Variants in GULP1 observed in about 807,000 individuals in gnomAD.
GULP1 encodes PTB domain-containing engulfment adapter protein 1.
Under a neutral mutation model 40.9 loss-of-function variants are expected in GULP1, and 19 were observed. The ratio of observed to expected loss-of-function variants is 0.46; its 90% CI spans 0.32 to 0.68. The LOEUF (loss-of-function observed/expected upper bound fraction) is 0.68, where lower values mean the gene tolerates loss of function less well. Among genes scored for constraint, GULP1 ranks in the 30% least tolerant of loss-of-function variants. The pLI, the probability that GULP1 is intolerant of heterozygous loss-of-function variation, is 0.03. For missense variants in GULP1, 312 were observed against 362.2 expected (o/e 0.86, Z 1.12); for synonymous variants, 119 against 117.6 (o/e 1.01, Z -0.08).
At chr2:188,574,754 G>A (rs1373987615) in intron 9 of GULP1, among the ~76,000 whole-genome samples, 4 of 152,094 alleles carry the variant, frequency 2.6e-5, no homozygotes, top group Admixed American at 2.0e-4. Context: ...TTGAATTTCC[G>A]TAATACAAGA....
intron 9 of GULP1, among the ~76,000 whole-genome samples, chr2:188,580,502 G>A (rs995907024): frequency 3.4e-5 from 5 of 148,104 alleles, no homozygotes; most frequent in South Asian, 2.1e-4. Context: ...GCAGTGAGCC[G>A]AGATCCCGCC....
intron 4 of GULP1, among the ~76,000 whole-genome samples, chr2:188,516,060 G>A (rs2065139511): frequency 2.0e-5 from 3 of 152,162 alleles, no homozygotes; most frequent in South Asian, 4.1e-4. Flanking sequence ...TTCTATTCTG[G>A]ATAAAGTGTT....
At chr2:188,456,178 C>T (rs983341985) in intron 2 of GULP1, among the ~76,000 whole-genome samples, 26 of 152,264 alleles carry the variant, frequency 1.7e-4, no homozygotes, top group African/African-American at 6.0e-4. Context: ...ATCCCATTTT[C>T]TGAGGAGAAA....
chr2:188,503,201 G>T (rs938106148), intron 4 of GULP1, among the ~76,000 whole-genome samples: 1 of 151,692 alleles, frequency 6.6e-6, no homozygotes, highest in African/African-American at 2.4e-5. Context: ...ACATTATGAG[G>T]TTTTTCGGCA....
At chr2:188,418,031 C>T (rs2054823775) in intron 2 of GULP1, among the ~76,000 whole-genome samples, 1 of 151,734 alleles carries the variant, frequency 6.6e-6, no homozygotes, top group Non-Finnish European at 1.5e-5. Context: ...CTGGCCACGT[C>T]TCAAACTCCA....
intron 10 of GULP1, among the ~76,000 whole-genome samples, chr2:188,587,117 T>A (rs1702551618): frequency 6.6e-6 from 1 of 152,038 alleles, no homozygotes; most frequent in Non-Finnish European, 1.5e-5. Flanking sequence ...TTTTTTATTT[T>A]AAAAATCCCA....
chr2:188,512,109 C>T (rs2064634683), intron 4 of GULP1, among the ~76,000 whole-genome samples: 1 of 152,108 alleles, frequency 6.6e-6, no homozygotes, highest in African/African-American at 2.4e-5. Context: ...AATTAGCTTA[C>T]TCCTATATAG....
chr2:188,576,123 A>G (rs1700129638), intron 9 of GULP1, among the ~76,000 whole-genome samples: 1 of 152,126 alleles, frequency 6.6e-6, no homozygotes, highest in Non-Finnish European at 1.5e-5. Context: ...GTAAAGAATC[A>G]ATATTTCACT....
At chr2:188,337,065 G>T (rs1276862223) in intron 1 of GULP1, among the ~76,000 whole-genome samples, 1 of 151,670 alleles carries the variant, frequency 6.6e-6, no homozygotes, top group African/African-American at 2.4e-5. Flanking sequence ...CCAGAAACTT[G>T]CTTCTCCTAT....
chr2:188,385,496 A>T (rs991600459), intron 2 of GULP1, among the ~76,000 whole-genome samples: 22 of 152,084 alleles, frequency 1.4e-4, no homozygotes, highest in African/African-American at 5.3e-4. Context: ...TTTCCCCATT[A>T]TCTTGATGAT....
At chr2:188,561,346 G>T (rs1415328539) in intron 7 of GULP1, among the ~76,000 whole-genome samples, 1 of 152,198 alleles carries the variant, frequency 6.6e-6, no homozygotes. Context: ...CTGTGGTATG[G>T]GTTATGGTAG....
At chr2:188,497,700 G>A (rs951506898) in intron 4 of GULP1, among the ~76,000 whole-genome samples, 25 of 151,880 alleles carry the variant, frequency 1.6e-4, no homozygotes, top group South Asian at 2.1e-4. Flanking sequence ...GTGTCCCACA[G>A]TCTCATGGAA....
chr2:188,531,865 A>C (rs558849473), intron 6 of GULP1, among the ~76,000 whole-genome samples: 2 of 152,314 alleles, frequency 1.3e-5, no homozygotes, highest in East Asian at 3.9e-4. Flanking sequence ...TCCTATTCCT[A>C]CATCTTCTTT....
chr2:188,324,681 T>C (rs561152402), intron 1 of GULP1, among the ~76,000 whole-genome samples: 3 of 152,122 alleles, frequency 2.0e-5, no homozygotes, highest in Admixed American at 1.3e-4. Context: ...CATGTATTAT[T>C]TCAAGGGTTG....
At chr2:188,359,532 C>T (rs113494417) in intron 1 of GULP1, among the ~76,000 whole-genome samples, 4 of 152,200 alleles carry the variant, frequency 2.6e-5, no homozygotes, top group African/African-American at 9.6e-5. Context: ...CTTCATGCTC[C>T]TATAACATAC....
chr2:188,366,731 C>G (rs1300484877), intron 1 of GULP1, among the ~76,000 whole-genome samples: 1 of 151,504 alleles, frequency 6.6e-6, no homozygotes, highest in Admixed American at 6.6e-5. Context: ...GTAGCTGGGA[C>G]TACAGGCGCC....
chr2:188,556,278 C>G (rs918352009), intron 7 of GULP1, among the ~76,000 whole-genome samples: 4 of 151,980 alleles, frequency 2.6e-5, no homozygotes, highest in African/African-American at 7.2e-5. Flanking sequence ...TTCAAAAGAT[C>G]TGTCTTTAAA....
chr2:188,505,654 A>G (rs2063831757), intron 4 of GULP1, among the ~76,000 whole-genome samples: 1 of 151,856 alleles, frequency 6.6e-6, no homozygotes. Context: ...AAGATGTGCC[A>G]TTCTGGGCTA....
At chr2:188,476,540 A>G (rs1194349365) in intron 2 of GULP1, among the ~76,000 whole-genome samples, 1 of 152,134 alleles carries the variant, frequency 6.6e-6, no homozygotes, top group Non-Finnish European at 1.5e-5. Flanking sequence ...ATTATTAAAC[A>G]GTTTTATTTA....
Sources: gnomAD v4.1 joint callset for allele counts (sites outside exome capture counted in the v4.1 genomes callset) on GRCh38, gnomAD v4.1.1 for gene constraint, MANE v1.5 for transcripts, NCBI Gene and HGNC (gene_info 2026-07-23, HGNC 2026-07-21) for gene names.